RSRC2: variants seen among roughly 807,000 people sequenced by gnomAD.
The protein encoded by RSRC2 is arginine and serine rich coiled-coil 2.
Under a neutral mutation model 61.3 loss-of-function variants are expected in RSRC2, and 5 were observed. The observed-to-expected ratio is 0.08, with a 90% confidence interval of 0.04 to 0.17. The LOEUF is 0.17. Among genes scored for constraint, RSRC2 ranks in the 10% least tolerant of loss-of-function variants. The pLI is 1.00. For synonymous variants in RSRC2, 202 were observed against 166.5 expected, an observed-to-expected ratio of 1.21 and a Z score of -1.64; for missense variants, 381 against 518.8, an observed-to-expected ratio of 0.73 and a Z score of 2.58.
rs1959117653 is a variant in RSRC2, at chr12:122,518,882, A to G, written c.355T>C (p.Ser119Pro). ...EDRHKRKERK[S>P]SRGRSHSRSR... ...CTTGAGTGACTTCTGCCTCTTGATG[A>G]CTTTCTTTCTTTGCGTTTGTGCCTG... Residue 119 changes from serine to proline, a missense_variant, in exon 4 of 10, where the codon TCA (serine) becomes CCA (proline). Ser to Pro is a moderately conservative substitution (Grantham distance 74). Transcript: ENST00000331738. The G allele has an allele frequency of 6.2e-7, 1 of 1,614,052 alleles. No homozygotes were observed.
intron 5 of RSRC2, among the ~76,000 whole-genome samples, chr12:122,515,452 G>A (rs1958834755): frequency 6.6e-6 from 1 of 152,102 alleles, no homozygotes; most frequent in Admixed American, 6.6e-5. Flanking sequence ...TGTTGCCCAG[G>A]CTGGCCTCCA....
At chr12:122,517,545 ATAT>A (rs746753936) in intron 4 of RSRC2, 115 bp from the exon 5 acceptor site, 7 of 1,206,856 alleles carry the variant, frequency 5.8e-6, no homozygotes, top group South Asian at 5.6e-5. Flanking sequence ...TAACTGCACT[ATAT>A]TATTTACAGA....
At chr12:122,506,970 T>C in intron 8 of RSRC2, 47 bp from the exon 9 acceptor site, 1 of 1,085,152 alleles carries the variant, frequency 9.2e-7, no homozygotes, top group Non-Finnish European at 1.4e-6. Context: ...TTAAATATTT[T>C]TTAGGACATG....
At chr12:122,523,241 T>A (rs1959500675) in intron 1 of RSRC2, 1 of 152,222 alleles carries the variant, frequency 6.6e-6, no homozygotes, top group Non-Finnish European at 1.5e-5. Context: ...AAAACGCCAG[T>A]GTTGTGGCTC....
chr12:122,513,254 TA>T (rs1316871139), intron 6 of RSRC2, among the ~76,000 whole-genome samples: 135 of 138,072 alleles, frequency 9.8e-4, no homozygotes, highest in African/African-American at 3.3e-3. Context: ...TAAAATAAAA[TA>T]AAAATAAAAA....
rs763831459 is a variant in RSRC2, at chr12:122,505,482, G to C, written c.*45C>G. 4.5e-6 allele frequency: 7 copies of C among 1,572,504 alleles called. No homozygotes were observed. Among genetic ancestry groups the C allele is most frequent in the Non-Finnish European group, 6.1e-6 (7 of 1,148,266 alleles). On this transcript the variant is annotated 3_prime_UTR_variant, in exon 10 of 10. Coordinates refer to ENST00000331738, the MANE Select transcript of RSRC2 (RefSeq NM_023012.6). Reference sequence around the variant, plus strand: ...TTTGGTGAACAAGGACGTGACATCAGAACAAGAAGTCTATAAGTCCCAAAC... The same window carrying C: ...TTTGGTGAACAAGGACGTGACATCACAACAAGAAGTCTATAAGTCCCAAAC...
Position 122,503,652 on chromosome 12 carries a change from T to G in RSRC2, c.*1875A>C, listed in dbSNP as rs1957990685. ...GCAGAGCTTAATTGAAAAATGTTGA[T>G]GATCACGAAATGAAGGATCCATAGT... On this transcript the variant is annotated 3_prime_UTR_variant, in exon 10 of 10. Coordinates refer to ENST00000331738, the MANE Select transcript of RSRC2 (RefSeq NM_023012.6). 1 of 152,218 alleles carries G rather than the reference T, an allele frequency of 6.6e-6. No individual in the cohort carries two copies. The highest frequency in any genetic ancestry group is 2.1e-4 in the South Asian group (1 of 4,836). The allele number at this position is 152,218 out of a possible 1,614,324, so 9.4% of individuals were successfully genotyped here.
At chr12:122,517,592 A>T (rs1959035682) in intron 4 of RSRC2, among the ~76,000 whole-genome samples, 162 bp from the exon 5 acceptor site, 1 of 152,210 alleles carries the variant, frequency 6.6e-6, no homozygotes, top group Non-Finnish European at 1.5e-5. Flanking sequence ...ATACTAACTG[A>T]AAACGAACCC....
chr12:122,515,474 G>A (rs1468218831), intron 5 of RSRC2, among the ~76,000 whole-genome samples: 1 of 152,106 alleles, frequency 6.6e-6, no homozygotes, highest in Admixed American at 6.5e-5. Context: ...TGATCCTCCT[G>A]CCTTAGCCTC....
Position 122,515,159 on chromosome 12 carries a change from G to A in RSRC2, c.671C>T (p.Pro224Leu). ...TGCTGTGTTTCTGCCTCTGAAGGGA[G>A]GTGGACTTGGAGTCCGGCTTAAACT... ...SRSLSRTPSP[P>L]PFRGRNTAMD... is the part of the protein sequence containing the mutation. Residue 224 changes from proline to leucine, a missense_variant, in exon 6 of 10, where the codon CCT becomes CTT. This residue lies in a region of RSRC2 where 11 missense variants were observed against 37.8 expected (regional missense o/e 0.29). Transcript: ENST00000331738. 1 of 1,614,106 alleles carries A rather than the reference G, an allele frequency of 6.2e-7. No homozygotes were observed. Among genetic ancestry groups the A allele is most frequent in the Non-Finnish European group, 8.5e-7 (1 of 1,179,968 alleles).
intron 8 of RSRC2, 113 bp from the exon 9 acceptor site, chr12:122,507,036 C>A: frequency 2.9e-6 from 2 of 687,520 alleles, no homozygotes; most frequent in Non-Finnish European, 5.1e-6. Context: ...AGCATTCAAT[C>A]AATGTAAGTT....
intron 7 of RSRC2, among the ~76,000 whole-genome samples, chr12:122,510,187 A>C (rs943766470): frequency 6.6e-6 from 1 of 152,222 alleles, no homozygotes; most frequent in Non-Finnish European, 1.5e-5. Flanking sequence ...AGAGAAATAC[A>C]TATTTCAGAT....
intron 2 of RSRC2, 34 bp from the exon 3 acceptor site, chr12:122,521,462 C>A: frequency 6.3e-7 from 1 of 1,578,736 alleles, no homozygotes; most frequent in Non-Finnish European, 8.7e-7. Context: ...TCACCATAAA[C>A]AAAGTTGGAG....
chr12:122,518,756 GA>G, intron 4 of RSRC2, 82 bp downstream of exon 4: 2 of 1,085,196 alleles, frequency 1.8e-6, no homozygotes, highest in Non-Finnish European at 2.8e-6. Flanking sequence ...CCCTAATTAT[GA>G]TTTTTTTGGG....
At chr12:122,518,351 G>C (rs1205784818) in intron 4 of RSRC2, among the ~76,000 whole-genome samples, 2 of 152,072 alleles carry the variant, frequency 1.3e-5, no homozygotes, top group African/African-American at 4.8e-5. Flanking sequence ...CCAGCACTTT[G>C]GGAGGCCGAG....
intron 1 of RSRC2, 70 bp from the exon 2 acceptor site, chr12:122,522,369 G>T: frequency 7.2e-7 from 1 of 1,393,984 alleles, no homozygotes; most frequent in Non-Finnish European, 9.5e-7. Flanking sequence ...CTTAAAAGAG[G>T]GACAAAGGGA....
In RSRC2 at chr12:122,507,101, G is replaced by A. The variant is rs1279802423; in HGVS notation, c.1036-178C>T. 5.1e-5 allele frequency: 32 copies of A among 628,300 alleles called. 1 individual carries two copies. In the East Asian group the frequency reaches 9.5e-4, roughly 19 times the overall value. The allele number at this position is 628,300 out of a possible 1,614,324, so 38.9% of individuals were successfully genotyped here. ...AGCAAAGAAATACAAGCAAGAGGTT[G>A]GCGCCGTGCTTCACTCCTATAATCC... On this transcript the variant is annotated intron_variant, in intron 8 of 9. Transcript: ENST00000331738.
chr12:122,510,273 T>C (rs1958399839), intron 7 of RSRC2, among the ~76,000 whole-genome samples: 1 of 152,146 alleles, frequency 6.6e-6, no homozygotes, highest in African/African-American at 2.4e-5. Flanking sequence ...GGCTCATGCC[T>C]GTAATCCCAG....
chr12:122,514,360 G>A (rs1053747372), intron 6 of RSRC2, among the ~76,000 whole-genome samples: 1 of 151,190 alleles, frequency 6.6e-6, no homozygotes, highest in African/African-American at 2.4e-5. Context: ...TGCCTCATGG[G>A]TTCAAGCGAT....
Sources: allele counts gnomAD v4.1 joint callset (sites outside exome capture counted in the v4.1 genomes callset), GRCh38; gene constraint gnomAD v4.1.1; regional missense constraint gnomAD v4.1.1; transcripts MANE v1.5; gene names NCBI Gene and HGNC (gene_info 2026-07-23, HGNC 2026-07-21).